The following RCAN2 variants were observed in gnomAD, a reference collection of about 807,000 sequenced individuals.
RCAN2 encodes regulator of calcineurin 2, also known as calcipressin-2.
A neutral mutation model predicts 23.6 loss-of-function variants in RCAN2; 9 were observed. The ratio of observed to expected loss-of-function variants is 0.38; its 90% CI spans 0.23 to 0.67. RCAN2 has a LOEUF of 0.67. Among genes scored for constraint, RCAN2 ranks in the 30% least tolerant of loss-of-function variants. RCAN2 has a pLI of 0.51. For synonymous variants in RCAN2, 109 were observed against 115.7 expected, an observed-to-expected ratio of 0.94 and a Z score of 0.37; for missense variants, 273 against 302.3, an observed-to-expected ratio of 0.90 and a Z score of 0.72.
intron 2 of RCAN2, among the ~76,000 whole-genome samples, chr6:46,258,464 G>T (rs1582038361): frequency 6.6e-6 from 1 of 152,342 alleles, no homozygotes; most frequent in South Asian, 2.1e-4. Context: ...ACTAACAAGA[G>T]AAGCAGACAG....
intron 4 of RCAN2, among the ~76,000 whole-genome samples, chr6:46,229,618 A>G (rs556817013): frequency 6.6e-6 from 1 of 152,180 alleles, no homozygotes; most frequent in East Asian, 1.9e-4. Flanking sequence ...TTTCAGCTCC[A>G]TCAGGTCATT....
chr6:46,467,880 C>G (rs1261167181), intron 1 of RCAN2, among the ~76,000 whole-genome samples: 1 of 152,228 alleles, frequency 6.6e-6, no homozygotes, highest in Non-Finnish European at 1.5e-5. Flanking sequence ...CAGACAGACT[C>G]AGACTGAAAT....
chr6:46,297,093 CTACT>C (rs1025306718), intron 2 of RCAN2, among the ~76,000 whole-genome samples: 2 of 152,144 alleles, frequency 1.3e-5, no homozygotes, highest in African/African-American at 4.8e-5. Context: ...AGGCTCCGTA[CTACT>C]TATAGTGTCC....
chr6:46,432,806 G>A (rs924113592), intron 2 of RCAN2, among the ~76,000 whole-genome samples: 1 of 152,144 alleles, frequency 6.6e-6, no homozygotes. Context: ...AAGAAGGTGG[G>A]ATATATGTGA....
intron 4 of RCAN2, among the ~76,000 whole-genome samples, chr6:46,234,410 T>C (rs1766018098): frequency 6.6e-6 from 1 of 152,370 alleles, no homozygotes; most frequent in South Asian, 2.1e-4. Context: ...CCACAAGGGC[T>C]GACGTCAATG....
chr6:46,346,031 A>T (rs1414404713), intron 2 of RCAN2, among the ~76,000 whole-genome samples: 2 of 152,174 alleles, frequency 1.3e-5, no homozygotes, highest in African/African-American at 4.8e-5. Context: ...AGATGGTAAG[A>T]CCAAAAATTT....
chr6:46,460,752 G>C (rs1282192754), intron 1 of RCAN2, among the ~76,000 whole-genome samples: 1 of 152,160 alleles, frequency 6.6e-6, no homozygotes, highest in East Asian at 1.9e-4. Context: ...TCAAAATAAT[G>C]TTTGGCTGAA....
At chr6:46,451,174 T>C (rs1290594664) in intron 2 of RCAN2, among the ~76,000 whole-genome samples, 1 of 152,098 alleles carries the variant, frequency 6.6e-6, no homozygotes, top group Non-Finnish European at 1.5e-5. Flanking sequence ...ATTCTTCTCT[T>C]TGAATATGGA....
chr6:46,455,323 C>T (rs963661367), intron 2 of RCAN2, among the ~76,000 whole-genome samples: 1 of 152,148 alleles, frequency 6.6e-6, no homozygotes, highest in African/African-American at 2.4e-5. Flanking sequence ...TTCAACTCCA[C>T]ACTGATATCA....
In RCAN2 at chr6:46,397,945, C is replaced by T. The variant is rs74424005; in HGVS notation, c.225+58807G>A. Among the ~76,000 whole-genome samples, 1,476 of 152,162 alleles carry T rather than the reference C, an allele frequency of 9.7e-3. 20 individuals are homozygous for T. Among genetic ancestry groups the T allele is most frequent in the African/African-American group, 0.034 (1,393 of 41,498 alleles). On this transcript the variant is annotated intron_variant, in intron 2 of 4. Transcript: ENST00000371374. ...ACAGGTAAATAGACTTATTTAAGTG[C>T]GCTAACAATAGGCACACTCAGCATA...
intron 2 of RCAN2, among the ~76,000 whole-genome samples, chr6:46,322,169 G>T (rs1582102934): frequency 6.6e-6 from 1 of 152,302 alleles, no homozygotes; most frequent in East Asian, 1.9e-4. Flanking sequence ...CAAGGGTTTG[G>T]CTCTTTGTGG....
chr6:46,427,992 G>A (rs1272690713), intron 2 of RCAN2, among the ~76,000 whole-genome samples: 1 of 151,872 alleles, frequency 6.6e-6, no homozygotes, highest in Non-Finnish European at 1.5e-5. Context: ...GCTACAGGAT[G>A]AATCTGTGAG....
At chr6:46,267,525 A>G (rs1767377850) in intron 2 of RCAN2, among the ~76,000 whole-genome samples, 1 of 152,268 alleles carries the variant, frequency 6.6e-6, no homozygotes, top group African/African-American at 2.4e-5. Flanking sequence ...TGCAAAACAA[A>G]CAAACGAAAA....
chr6:46,305,777 GT>G (rs1313350161), intron 2 of RCAN2, among the ~76,000 whole-genome samples: 1 of 151,944 alleles, frequency 6.6e-6, no homozygotes, highest in East Asian at 1.9e-4. Flanking sequence ...CATCATGTTG[GT>G]TCATGAGCTA....
At chr6:46,313,038 G>A (rs750655612) in intron 2 of RCAN2, among the ~76,000 whole-genome samples, 7 of 152,152 alleles carry the variant, frequency 4.6e-5, no homozygotes, top group Non-Finnish European at 7.3e-5. Flanking sequence ...GTAATACTAC[G>A]TTCATCCAGG....
chr6:46,459,379 A>C (rs998741752), intron 1 of RCAN2, among the ~76,000 whole-genome samples: 1 of 152,242 alleles, frequency 6.6e-6, no homozygotes, highest in South Asian at 2.1e-4. Flanking sequence ...TTCCAAAAAA[A>C]ATCTAAAATC....
intron 2 of RCAN2, among the ~76,000 whole-genome samples, chr6:46,397,356 G>C (rs1043948009): frequency 3.5e-5 from 5 of 141,568 alleles, no homozygotes; most frequent in Admixed American, 1.5e-4. Flanking sequence ...CTCCATATAG[G>C]ATAAAATTTC....
At chr6:46,370,371 C>T (rs1169047532) in intron 2 of RCAN2, among the ~76,000 whole-genome samples, 1 of 152,132 alleles carries the variant, frequency 6.6e-6, no homozygotes, top group Non-Finnish European at 1.5e-5. Flanking sequence ...CATTCTCTAC[C>T]CTTCTGTGTC....
intron 2 of RCAN2, among the ~76,000 whole-genome samples, chr6:46,383,469 G>T (rs1765663473): frequency 6.6e-6 from 1 of 152,108 alleles, no homozygotes; most frequent in Non-Finnish European, 1.5e-5. Context: ...GGGCAAGAAA[G>T]ATATGAATAT....
Sources: gnomAD v4.1 joint callset for allele counts (sites outside exome capture counted in the v4.1 genomes callset) on GRCh38, gnomAD v4.1.1 for gene constraint, MANE v1.5 for transcripts, NCBI Gene and HGNC (gene_info 2026-07-23, HGNC 2026-07-21) for gene names.